The following NKAIN2 variants were observed in gnomAD, a reference collection of about 807,000 sequenced individuals.
The protein encoded by NKAIN2 is sodium/potassium-transporting ATPase subunit beta-1-interacting protein 2.
In NKAIN2, 14 loss-of-function variants were observed where a neutral mutation model predicts 32.6. The observed-to-expected ratio is 0.43, with a 90% CI of 0.28 to 0.67. The LOEUF (loss-of-function observed/expected upper bound fraction) is 0.67, where lower values mean the gene tolerates loss of function less well. NKAIN2 is among the 30% of genes least tolerant of loss of function. The pLI is 0.17. For missense variants in NKAIN2, 198 were observed against 258.3 expected (o/e 0.77, Z 1.60); for synonymous variants, 80 against 87.2 (o/e 0.92, Z 0.46).
intron 1 of NKAIN2, among the ~76,000 whole-genome samples, chr6:124,091,974 A>C (rs935276208): frequency 1.3e-5 from 2 of 151,990 alleles, no homozygotes; most frequent in Non-Finnish European, 2.9e-5. Context: ...CACTATTCTC[A>C]TCTTTGCCTT....
At chr6:124,499,406 A>G (rs1778197120) in intron 3 of NKAIN2, among the ~76,000 whole-genome samples, 1 of 152,068 alleles carries the variant, frequency 6.6e-6, no homozygotes, top group African/African-American at 2.4e-5. Flanking sequence ...TTAAATATTG[A>G]CCTATTATTA....
intron 3 of NKAIN2, among the ~76,000 whole-genome samples, chr6:124,511,925 C>T (rs1007482319): frequency 2.0e-5 from 3 of 152,278 alleles, no homozygotes; most frequent in Admixed American, 2.0e-4. Flanking sequence ...CAAAAGGCCT[C>T]ACCACTTTTG....
At chr6:124,760,042 C>A (rs916850535) in intron 4 of NKAIN2, among the ~76,000 whole-genome samples, 5 of 151,992 alleles carry the variant, frequency 3.3e-5, no homozygotes, top group Non-Finnish European at 4.4e-5. Flanking sequence ...GTGAAAGCTT[C>A]CGCTCAGAGA....
chr6:124,446,342 T>TTTG (rs1013005201), intron 3 of NKAIN2, among the ~76,000 whole-genome samples: 8 of 24,382 alleles, frequency 3.3e-4, no homozygotes, highest in African/African-American at 4.2e-4. Flanking sequence ...AAGTTTTTTG[T>TTTG]TTGTTTGTTT....
intron 4 of NKAIN2, among the ~76,000 whole-genome samples, chr6:124,781,474 C>A (rs1779261994): frequency 1.3e-5 from 2 of 152,050 alleles, no homozygotes; most frequent in Admixed American, 1.3e-4. Flanking sequence ...CCAGCTGTTA[C>A]CAGGATGTGA....
At chr6:124,594,628 T>C (rs1438042045) in intron 3 of NKAIN2, among the ~76,000 whole-genome samples, 1 of 152,142 alleles carries the variant, frequency 6.6e-6, no homozygotes, top group Non-Finnish European at 1.5e-5. Context: ...GACCTCTTTT[T>C]CCAAAGTTTG....
chr6:124,303,771 AAG>A (rs1431144135), intron 2 of NKAIN2, among the ~76,000 whole-genome samples: 1 of 152,234 alleles, frequency 6.6e-6, no homozygotes, highest in East Asian at 1.9e-4. Flanking sequence ...CTGAGTCTGA[AAG>A]AAAAATTATC....
chr6:124,230,505 G>A (rs1360236070), intron 1 of NKAIN2, among the ~76,000 whole-genome samples: 2 of 152,142 alleles, frequency 1.3e-5, no homozygotes, highest in African/African-American at 4.8e-5. Context: ...GCGTGTCAGA[G>A]CCTTTTCCAA....
At chr6:123,843,948 C>T (rs1027266498) in intron 1 of NKAIN2, among the ~76,000 whole-genome samples, 4 of 152,196 alleles carry the variant, frequency 2.6e-5, no homozygotes, top group African/African-American at 9.7e-5. Flanking sequence ...TCCTGTGATA[C>T]ACTCTTCCCT....
chr6:124,305,605 T>A (rs1796474008), intron 2 of NKAIN2, among the ~76,000 whole-genome samples: 1 of 151,964 alleles, frequency 6.6e-6, no homozygotes, highest in South Asian at 2.1e-4. Flanking sequence ...AGACTAGAGA[T>A]CAGGATTAAA....
intron 3 of NKAIN2, among the ~76,000 whole-genome samples, chr6:124,601,902 C>G (rs1244145277): frequency 6.6e-6 from 1 of 151,976 alleles, no homozygotes; most frequent in Non-Finnish European, 1.5e-5. Flanking sequence ...TAACCAATGT[C>G]CAGTAACTTA....
At chr6:124,805,007 G>T (rs1287790780) in intron 5 of NKAIN2, among the ~76,000 whole-genome samples, 2 of 152,180 alleles carry the variant, frequency 1.3e-5, no homozygotes, top group South Asian at 2.1e-4. Context: ...GAACTGGGTG[G>T]AGCCCACCAC....
rs143230709 is a variant in NKAIN2, at chr6:124,441,721, T to C, written c.273+86374T>C. 7.3e-3 allele frequency among the ~76,000 whole-genome samples: 1,118 copies of C among 152,214 alleles called. 7 individuals are homozygous for C. The highest frequency in any genetic ancestry group is 0.034 in the Middle Eastern group (10 of 294). On this transcript the variant is annotated intron_variant, in intron 3 of 6. Coordinates refer to ENST00000368417, the MANE Select transcript of NKAIN2 (RefSeq NM_001040214.3). ...GAAGCAGAGAAGTGTTGCTGATTTA[T>C]GAGCAAAGCAAGTGTTGTCATTTTA...
chr6:124,230,773 T>A (rs2114733758), intron 1 of NKAIN2, among the ~76,000 whole-genome samples: 1 of 152,326 alleles, frequency 6.6e-6, no homozygotes, highest in African/African-American at 2.4e-5. Flanking sequence ...AGATGATGTT[T>A]GGAAATGCCT....
intron 4 of NKAIN2, among the ~76,000 whole-genome samples, chr6:124,717,410 G>C (rs890594652): frequency 6.6e-6 from 1 of 152,064 alleles, no homozygotes; most frequent in African/African-American, 2.4e-5. Context: ...AAGAACCCAG[G>C]TAGGTATCAA....
chr6:124,702,254 T>C (rs1774829135), intron 4 of NKAIN2, among the ~76,000 whole-genome samples: 1 of 152,130 alleles, frequency 6.6e-6, no homozygotes, highest in Non-Finnish European at 1.5e-5. Context: ...AAATAGATCA[T>C]ATTTTGAATT....
intron 3 of NKAIN2, among the ~76,000 whole-genome samples, chr6:124,486,875 G>A (rs1777673138): frequency 6.6e-6 from 1 of 151,920 alleles, no homozygotes; most frequent in South Asian, 2.1e-4. Context: ...TAGCCTTCAT[G>A]CATCTTCAGT....
At chr6:124,781,207 G>T (rs1290879659) in intron 4 of NKAIN2, among the ~76,000 whole-genome samples, 1 of 152,216 alleles carries the variant, frequency 6.6e-6, no homozygotes, top group South Asian at 2.1e-4. Context: ...AAAATGAGAA[G>T]CATAGGATTT....
Position 124,478,000 on chromosome 6 carries a change from G to T in NKAIN2, c.273+122653G>T, listed in dbSNP as rs375187237. On this transcript the variant is annotated intron_variant, in intron 3 of 6. Coordinates refer to ENST00000368417, the MANE Select transcript of NKAIN2 (RefSeq NM_001040214.3). ...ATCAGAGACTCTCAGTTTATTTGGGGATTCTGTCCTGCCACACTTTTCCTT... is the reference window on the plus strand; with the variant it reads ...ATCAGAGACTCTCAGTTTATTTGGGTATTCTGTCCTGCCACACTTTTCCTT... Among the ~76,000 whole-genome samples the T allele has an allele frequency of 1.6e-4, 25 of 151,838 alleles. No homozygotes were observed. The South Asian group carries it at 5.0e-3, about 30-fold the overall frequency.
Sources: gnomAD v4.1 joint callset for allele counts (sites outside exome capture counted in the v4.1 genomes callset) on GRCh38, gnomAD v4.1.1 for gene constraint, MANE v1.5 for transcripts, NCBI Gene and HGNC (gene_info 2026-07-23, HGNC 2026-07-21) for gene names.